The following TCOF1 variants were observed in gnomAD, a reference collection of about 807,000 sequenced individuals.
TCOF1 encodes the protein treacle ribosome biogenesis factor 1.
A neutral mutation model predicts 149.0 loss-of-function variants in TCOF1; 33 were observed. That is an observed-to-expected ratio of 0.22 (90% CI 0.17 to 0.30). The LOEUF is 0.30. TCOF1 is among the 10% of genes least tolerant of loss of function. TCOF1 has a pLI of 1.00. For synonymous variants in TCOF1, 789 were observed against 738.8 expected (o/e 1.07, Z -1.10); for missense variants, 1,728 against 1,840.7 (o/e 0.94, Z 1.12).
intron 23 of TCOF1, 117 bp from the exon 24 acceptor site, chr5:150,396,165 A>G: frequency 8.4e-7 from 1 of 1,195,302 alleles, no homozygotes; most frequent in African/African-American, 1.5e-5. Context: ...TGCTCTCCCC[A>G]TCTGTGCCAT....
rs891114059 is a variant in TCOF1, at chr5:150,391,796, G to T, written c.3297+139G>T. On this transcript the variant is annotated intron_variant, in intron 20 of 26. Transcript: ENST00000643257. The stretch of plus-strand genomic sequence containing the variant: ...TCCCTCGGCCTCAGTGGCCTAATCT[G>T]TAAGAAGGAATTACAGTACCTTTCG... 21 of 1,171,800 alleles carry T rather than the reference G, an allele frequency of 1.8e-5. No homozygotes were observed. The African/African-American group carries it at 2.7e-4, about 15-fold the overall frequency. The allele number at this position is 1,171,800 out of a possible 1,614,324, so 72.6% of individuals were successfully genotyped here.
intron 17 of TCOF1, among the ~76,000 whole-genome samples, chr5:150,385,616 C>T (rs1311836322): frequency 1.3e-5 from 2 of 152,142 alleles, no homozygotes; most frequent in South Asian, 2.1e-4. Context: ...TGCCAGGGTC[C>T]GCAGCCTAGG....
rs1286163023 is a variant in TCOF1 at position 150,374,722 on chromosome 5, G to A, written c.1189G>A (p.Ala397Thr). 1.9e-6 allele frequency: 3 copies of A among 1,613,384 alleles called. No homozygotes were observed. Among genetic ancestry groups the A allele is most frequent in the African/African-American group, 2.7e-5 (2 of 74,728 alleles). Residue 397 changes from alanine (A) to threonine (T), a missense_variant, in exon 9 of 27, where the codon GCA becomes ACA. Ala to Thr is a moderately conservative substitution (Grantham distance 58). Transcript: ENST00000643257. ...AGCGCCCCCTGGGAAGACAGGGCCT[G>A]CAGTTGCCAAGGCCCAGGCGGGGAA... ...APAPPGKTGP[A>T]VAKAQAGKRE...
At chr5:150,397,012 A>T (rs1768689413) in intron 24 of TCOF1, among the ~76,000 whole-genome samples, 170 bp downstream of exon 24, 1 of 152,068 alleles carries the variant, frequency 6.6e-6, no homozygotes, top group Non-Finnish European at 1.5e-5. Context: ...ACAAAAAATT[A>T]GCTGGATGTG....
At chr5:150,390,062 G>C in intron 19 of TCOF1, 39 bp downstream of exon 19, 2 of 1,572,392 alleles carry the variant, frequency 1.3e-6, no homozygotes, top group Non-Finnish European at 1.7e-6. Context: ...AGGCCAGTGG[G>C]GTGGGGCCCT....
At chr5:150,398,682 C>T (rs1371356943) in intron 25 of TCOF1, among the ~76,000 whole-genome samples, 1 of 152,216 alleles carries the variant, frequency 6.6e-6, no homozygotes, top group Non-Finnish European at 1.5e-5. Context: ...AGGAGAGACT[C>T]CCCCCAGCAC....
rs533533810 is a variant in TCOF1 at position 150,392,427 on chromosome 5, C to A, written c.3517+251C>A. 6.2e-5 allele frequency: 38 copies of A among 609,914 alleles called. No individual in the cohort carries two copies. The African/African-American group carries it at 6.6e-4, about 11-fold the overall frequency. 37.8% of individuals were successfully genotyped at this position (609,914 alleles called of 1,614,324 possible). On this transcript the variant is annotated intron_variant, in intron 21 of 26. Transcript: ENST00000643257. The stretch of plus-strand genomic sequence containing the variant: ...CTCCCTTCACTGGCTCCCAAAAACT[C>A]CAGGGCCATGTTTCTGGAACAGTGG...
rs1297980428 is a variant in TCOF1, at chr5:150,398,439, AAAG to A, written c.4437_4439del (p.Lys1483del). 2 of 1,614,126 alleles carry A rather than the reference AAAG, an allele frequency of 1.2e-6. No individual in the cohort carries two copies. The highest frequency in any genetic ancestry group is 2.2e-5 in the East Asian group (1 of 44,886). On this transcript the variant is annotated inframe_deletion, in exon 25 of 27. Coordinates refer to ENST00000643257, the MANE Select transcript of TCOF1 (RefSeq NM_001371623.1). ...ATTCTGAGTCACCGTCCCAGAAGAA[AAAG>A]AAGAAAAAGGTAGAGAGTTCCTGGG...
At position 150,372,105 on chromosome 5, in the gene TCOF1, G is replaced by A; in HGVS notation, c.739G>A (p.Asp247Asn). The change falls in exon 7 of 27, where the codon GAT (aspartate) becomes AAT (asparagine). Residue 247 changes from aspartate to asparagine, a missense_variant. Transcript: ENST00000643257. ...GGCCCCAGCCCCTGGGAAGGTGGGGGATGTGACACCCCAGGTCAAAGGAGG... is the reference window on the plus strand; with the variant it reads ...GGCCCCAGCCCCTGGGAAGGTGGGGAATGTGACACCCCAGGTCAAAGGAGG... ...KAAPAPGKVG[D>N]VTPQVKGGAL... 2 of 1,614,250 alleles carry A rather than the reference G, an allele frequency of 1.2e-6. No homozygotes were observed. The highest frequency in any genetic ancestry group is 1.7e-6 in the Non-Finnish European group (2 of 1,180,042).
rs761683030 is a variant in TCOF1 at position 150,374,639 on chromosome 5, C to G, written c.1106C>G (p.Ser369Cys). The change falls in exon 9 of 27, where the codon TCT becomes TGT. Residue 369 changes from serine to cysteine, a missense_variant. Transcript: ENST00000643257. ...LLQAKASGKT[S>C]QVGAASAPAK... ...CAGGCGAAGGCCTCAGGAAAAACCT[C>G]TCAGGTCGGAGCTGCCTCAGCCCCT... 3 of 1,610,576 alleles carry G rather than the reference C, an allele frequency of 1.9e-6. No homozygotes were observed. The highest frequency in any genetic ancestry group is 2.5e-6 in the Non-Finnish European group (3 of 1,178,866).
At chr5:150,371,843 T>C (rs1762595763) in intron 6 of TCOF1, among the ~76,000 whole-genome samples, 163 bp from the exon 7 acceptor site, 6 of 152,236 alleles carry the variant, frequency 3.9e-5, no homozygotes. Context: ...CCTTGTGTAC[T>C]TTTCTGGAAA....
intron 6 of TCOF1, 95 bp downstream of exon 6, chr5:150,369,697 G>A: frequency 7.3e-7 from 1 of 1,371,426 alleles, no homozygotes; most frequent in Non-Finnish European, 1.0e-6. Context: ...GCCCAGATGA[G>A]TTCAGCAACT....
rs1304855446 is a variant in TCOF1 at position 150,375,773 on chromosome 5, A to G, written c.1757A>G (p.Lys586Arg). 2 of 1,614,212 alleles carry G rather than the reference A, an allele frequency of 1.2e-6. No homozygotes were observed. The highest frequency in any genetic ancestry group is 1.1e-5 in the South Asian group (1 of 91,090). Reference protein sequence around the residue: ...LQAKPTSSPAKGPPQKAGPVA... With the variant: ...LQAKPTSSPARGPPQKAGPVA... ...GCCAAACCCACCTCCAGTCCTGCCAAGGGGCCCCCTCAGAAGGCAGGGCCT... is the reference window on the plus strand; with the variant it reads ...GCCAAACCCACCTCCAGTCCTGCCAGGGGGCCCCCTCAGAAGGCAGGGCCT... Residue 586 changes from lysine (K) to arginine (R), a missense_variant, in exon 12 of 27, where the codon AAG becomes AGG. Physicochemically the swap from Lys to Arg is conservative, Grantham distance 26. This residue lies in a region of TCOF1 where 1,696 missense variants were observed against 1,765.4 expected (regional missense o/e 0.96). Transcript: ENST00000643257.
chr5:150,381,020 A>C (rs1169272036), intron 17 of TCOF1, among the ~76,000 whole-genome samples: 1 of 150,820 alleles, frequency 6.6e-6, no homozygotes, highest in African/African-American at 2.5e-5. Flanking sequence ...TCACAAAAAT[A>C]AAAAAAAGAG....
intron 17 of TCOF1, among the ~76,000 whole-genome samples, chr5:150,383,451 C>G (rs1354614466): frequency 6.6e-6 from 1 of 152,238 alleles, no homozygotes; most frequent in Non-Finnish European, 1.5e-5. Flanking sequence ...TGCCTTTTCC[C>G]CTGTGTGAGG....
intron 19 of TCOF1, among the ~76,000 whole-genome samples, chr5:150,391,177 C>T (rs1435091390): frequency 2.6e-5 from 4 of 152,132 alleles, no homozygotes; most frequent in African/African-American, 4.8e-5. Flanking sequence ...GCAAGAGCCA[C>T]GCCACATTTG....
rs1422636793 is a variant in TCOF1, at chr5:150,378,989, C to G, written c.2425C>G (p.Pro809Ala). Residue 809 changes from proline (P) to alanine (A), a missense_variant, in exon 15 of 27, where the codon CCT becomes GCT. By Grantham distance (27) the Pro-to-Ala change is conservative. Around this residue, in one of 2 missense-constraint regions of TCOF1, gnomAD observed 1,696 missense variants for 1,765.4 expected, o/e 0.96. Transcript: ENST00000643257. Reference protein sequence around the residue: ...APSAKGTISAPGKVVTAAAQA... With the variant: ...APSAKGTISAAGKVVTAAAQA... ...TTCAGCAAAAGGGACAATTTCAGCC[C>G]CTGGAAAAGTTGTCACTGCAGCTGC... is the stretch of plus-strand genomic sequence containing the variant. 2 of 1,613,942 alleles carry G rather than the reference C, an allele frequency of 1.2e-6. No homozygotes were observed. The highest frequency in any genetic ancestry group is 2.7e-5 in the African/African-American group (2 of 74,876).
chr5:150,363,524 G>T (rs1466851123), intron 2 of TCOF1, among the ~76,000 whole-genome samples: 1 of 152,232 alleles, frequency 6.6e-6, no homozygotes, highest in Non-Finnish European at 1.5e-5. Flanking sequence ...CATGTGTGAG[G>T]CACTGAGGAT....
Position 150,391,561 on chromosome 5 carries a change from A to G in TCOF1, c.3201A>G (p.Pro1067=). Residue 1067 remains proline (P), a synonymous_variant, in exon 20 of 27, where the codon CCA becomes CCG. Transcript: ENST00000643257. ...GPATQVSKKN[P]ASLPLTQAAL... ...ACCCACAGGTGTCAAAGAAGAACCC[A>G]GCTTCCCTCCCACTGACCCAGGCTG... The G allele has an allele frequency of 3.1e-6, 5 of 1,614,132 alleles. No homozygotes were observed. Among genetic ancestry groups the G allele is most frequent in the Non-Finnish European group, 3.4e-6 (4 of 1,180,020 alleles).
Sources: gnomAD v4.1 joint callset for allele counts (sites outside exome capture counted in the v4.1 genomes callset) on GRCh38, gnomAD v4.1.1 for gene constraint, gnomAD v4.1.1 regional missense constraint, MANE v1.5 for transcripts, NCBI Gene and HGNC (gene_info 2026-07-23, HGNC 2026-07-21) for gene names.